The following CASK variants were observed in gnomAD, a reference collection of about 807,000 sequenced individuals.
CASK encodes peripheral plasma membrane protein CASK.
In CASK, 4 loss-of-function variants were observed where a neutral mutation model predicts 82.9. That is an observed-to-expected ratio of 0.05 (90% CI 0.02 to 0.11). CASK has a LOEUF of 0.11. Among genes scored for constraint, CASK ranks in the 10% least tolerant of loss-of-function variants. The pLI is 1.00. For synonymous variants in CASK, 259 were observed against 253.5 expected (o/e 1.02, Z -0.20); for missense variants, 358 against 720.9 (o/e 0.50, Z 5.76).
At chrX:41,577,281 T>C (rs2065497215) in intron 15 of CASK, among the ~76,000 whole-genome samples, 1 of 111,595 alleles carries the variant, frequency 9.0e-6, no homozygotes, top group Non-Finnish European at 1.9e-5. Flanking sequence ...ACCTACTCTT[T>C]CATTATTTCT....
intron 5 of CASK, among the ~76,000 whole-genome samples, chrX:41,683,871 A>C (rs1010975256): frequency 6.2e-5 from 7 of 112,136 alleles, no homozygotes; most frequent in African/African-American, 1.6e-4. Flanking sequence ...ATCAATAACA[A>C]CACCACTGAA....
chrX:41,861,231 GGTGT>G (rs746218070), intron 1 of CASK, among the ~76,000 whole-genome samples: 1 of 110,671 alleles, frequency 9.0e-6, no homozygotes, highest in African/African-American at 3.3e-5. Flanking sequence ...AAATTTGATT[GGTGT>G]GTGTGTGTGT....
rs761534556 is a variant in CASK, at chrX:41,626,732, A to G, written c.916-29T>C. On this transcript the variant is annotated intron_variant, in intron 9 of 26. Transcript: ENST00000378163. ...AAACAAAGAGATGAAAAAATAGATT[A>G]TTAAAACAAATACACAAATATAAAT... The G allele has an allele frequency of 9.2e-5, 80 of 869,277 alleles. 1 individual carries two copies. In the South Asian group the frequency reaches 1.5e-3, roughly 16 times the overall value. 71.6% of individuals were successfully genotyped at this position (869,277 alleles called of 1,213,427 possible).
At chrX:41,584,744 G>A (rs1365097538) in intron 14 of CASK, 3 of 111,111 alleles carry the variant, frequency 2.7e-5, no homozygotes, top group African/African-American at 9.8e-5. Context: ...ACTGGTCAGT[G>A]GCCCAGGGGT....
intron 5 of CASK, among the ~76,000 whole-genome samples, chrX:41,691,064 T>C (rs765537537): frequency 9.8e-5 from 11 of 112,431 alleles, no homozygotes; most frequent in Non-Finnish European, 1.7e-4. Context: ...TGCACTGGCT[T>C]TGCTTTATGC....
chrX:41,902,083 G>A (rs2072393538), intron 1 of CASK, among the ~76,000 whole-genome samples: 1 of 111,445 alleles, frequency 9.0e-6, no homozygotes, highest in Non-Finnish European at 1.9e-5. Flanking sequence ...TCCATGGATG[G>A]TGGGCCTGGG....
chrX:41,912,790 TTA>T (rs202164173), intron 1 of CASK, among the ~76,000 whole-genome samples: 21 of 97,930 alleles, frequency 2.1e-4, no homozygotes, highest in South Asian at 4.7e-4. Context: ...TGCAAGTAAT[TTA>T]TATATATATA....
intron 25 of CASK, among the ~76,000 whole-genome samples, chrX:41,529,223 G>C (rs1226742458): frequency 9.0e-6 from 1 of 111,710 alleles, no homozygotes; most frequent in Non-Finnish European, 1.9e-5. Flanking sequence ...TGCCCAGCCG[G>C]GGTGAGGAGG....
At chrX:41,804,848 T>G (rs1438011319) in intron 2 of CASK, among the ~76,000 whole-genome samples, 4 of 106,593 alleles carry the variant, frequency 3.8e-5, no homozygotes, top group African/African-American at 1.3e-4. Context: ...ATTTAGTGTT[T>G]GTTCTCTATA....
intron 6 of CASK, among the ~76,000 whole-genome samples, chrX:41,668,944 G>C (rs998941089): frequency 4.3e-4 from 47 of 110,574 alleles, no homozygotes; most frequent in African/African-American, 1.5e-3. Context: ...GCCCAGGCTG[G>C]TCTTGAACTC....
At chrX:41,818,982 G>A (rs758637792) in intron 2 of CASK, among the ~76,000 whole-genome samples, 1 of 111,200 alleles carries the variant, frequency 9.0e-6, no homozygotes, top group African/African-American at 3.3e-5. Flanking sequence ...ATTAGGCAAA[G>A]ATTTCTTAGA....
intron 21 of CASK, among the ~76,000 whole-genome samples, chrX:41,550,085 G>A (rs1348748728): frequency 2.7e-5 from 3 of 109,905 alleles, no homozygotes; most frequent in South Asian, 4.0e-4. Flanking sequence ...CACTTGAACC[G>A]GGGAGGCAGA....
At chrX:41,538,871 G>T (rs548124012) in intron 22 of CASK, among the ~76,000 whole-genome samples, 1 of 111,755 alleles carries the variant, frequency 8.9e-6, no homozygotes. Flanking sequence ...GCCCGCAGGG[G>T]TCAGGTAGCT....
chrX:41,793,709 T>C (rs2069782411), intron 2 of CASK, among the ~76,000 whole-genome samples: 1 of 112,083 alleles, frequency 8.9e-6, no homozygotes, highest in South Asian at 3.7e-4. Context: ...TGTGTTCATT[T>C]CAATAAATAT....
intron 5 of CASK, among the ~76,000 whole-genome samples, chrX:41,686,091 T>C (rs1034018898): frequency 3.6e-5 from 4 of 111,119 alleles, no homozygotes; most frequent in African/African-American, 9.8e-5. Flanking sequence ...ACATGCATTT[T>C]TTTTCTTTTT....
intron 2 of CASK, among the ~76,000 whole-genome samples, chrX:41,809,701 C>T (rs1414240919): frequency 2.7e-5 from 3 of 112,218 alleles, no homozygotes; most frequent in East Asian, 2.8e-4. Flanking sequence ...TCCAAAGGAA[C>T]GCAGCTCCTT....
intron 25 of CASK, among the ~76,000 whole-genome samples, 177 bp downstream of exon 25, chrX:41,530,830 G>A (rs777275956): frequency 3.6e-5 from 4 of 112,381 alleles, no homozygotes; most frequent in South Asian, 7.4e-4. Context: ...TGAGTCCAAC[G>A]ATTAGTCAGC....
At chrX:41,817,928 C>A (rs1318080738) in intron 2 of CASK, among the ~76,000 whole-genome samples, 1 of 111,018 alleles carries the variant, frequency 9.0e-6, no homozygotes, top group Non-Finnish European at 1.9e-5. Context: ...TTGGAAGACT[C>A]AGTATCATTA....
chrX:41,725,210 C>T (rs1286203440), intron 5 of CASK, among the ~76,000 whole-genome samples: 1 of 111,712 alleles, frequency 9.0e-6, no homozygotes, highest in East Asian at 2.8e-4. Flanking sequence ...TTTAAACCCA[C>T]AGACACTGCA....
Sources: allele counts gnomAD v4.1 joint callset (sites outside exome capture counted in the v4.1 genomes callset), GRCh38; gene constraint gnomAD v4.1.1; transcripts MANE v1.5; gene names NCBI Gene and HGNC (gene_info 2026-07-23, HGNC 2026-07-21).